Variants in HAO2 observed in about 807,000 individuals in gnomAD.
The protein encoded by HAO2 is 2-Hydroxyacid oxidase 2.
A neutral mutation model predicts 37.4 loss-of-function variants in HAO2; 42 were observed. The observed-to-expected ratio is 1.12, with a 90% CI of 0.88 to 1.45. The LOEUF is 1.45. HAO2 is among the 40% of genes most tolerant of loss of function. The probability of loss-of-function intolerance (pLI) is 0.00; values close to 1 mark genes in which losing one functional copy is unlikely to be tolerated. For synonymous variants in HAO2, 180 were observed against 162.8 expected (o/e 1.11, Z -0.81); for missense variants, 476 against 430.2 (o/e 1.11, Z -0.94).
intron 3 of HAO2, 29 bp downstream of exon 3, chr1:119,383,095 T>G: frequency 1.3e-6 from 2 of 1,572,728 alleles, no homozygotes; most frequent in Non-Finnish European, 1.7e-6. Context: ...TCGAGGCTCC[T>G]TTCCGGGAGG....
At chr1:119,389,571 C>T (rs587657467) in intron 5 of HAO2, among the ~76,000 whole-genome samples, 1 of 149,896 alleles carries the variant, frequency 6.7e-6, no homozygotes, top group African/African-American at 2.4e-5. Flanking sequence ...TGTTTGTTGG[C>T]TATTTGTATA....
intron 1 of HAO2, among the ~76,000 whole-genome samples, chr1:119,370,740 G>A (rs1648922569): frequency 6.6e-6 from 1 of 152,106 alleles, no homozygotes. Flanking sequence ...GGAAAGCAAT[G>A]GCCTTCAGAA....
chr1:119,375,839 C>G (rs587740749), intron 1 of HAO2, among the ~76,000 whole-genome samples: 74 of 152,238 alleles, frequency 4.9e-4, no homozygotes, highest in African/African-American at 1.8e-3. Context: ...GACTTTTTCA[C>G]TATCATGAGA....
intron 4 of HAO2, chr1:119,386,034 C>A: frequency 3.4e-6 from 1 of 296,738 alleles, no homozygotes; most frequent in Non-Finnish European, 5.0e-6. Context: ...AAAGTAGAAA[C>A]TTTGTCTTAT....
At chr1:119,385,616 A>G in intron 4 of HAO2, 1 of 985,198 alleles carries the variant, frequency 1.0e-6, no homozygotes, top group Non-Finnish European at 1.2e-6. Flanking sequence ...TAATCTCTGA[A>G]CTAGGTGACT....
intron 1 of HAO2, 77 bp from the exon 2 acceptor site, chr1:119,381,001 A>C (rs1570768184): frequency 4.9e-6 from 6 of 1,219,716 alleles, no homozygotes; most frequent in Non-Finnish European, 4.8e-6. Flanking sequence ...TTCATACTGC[A>C]GCTTCCCCTT....
At chr1:119,381,297 C>A in intron 2 of HAO2, 81 bp downstream of exon 2, 1 of 1,005,918 alleles carries the variant, frequency 9.9e-7, no homozygotes, top group Non-Finnish European at 1.6e-6. Flanking sequence ...GTCCTGGTTT[C>A]TGCCTCCAAA....
intron 1 of HAO2, chr1:119,380,736 A>G: frequency 6.4e-7 from 1 of 1,568,786 alleles, no homozygotes; most frequent in Admixed American, 1.7e-5. Flanking sequence ...AAGATACAAA[A>G]ATAAGAATTT....
rs752144449 is a variant in HAO2, at chr1:119,381,196, C to A, written c.111C>A (p.Asp37Glu). 6.8e-6 allele frequency: 11 copies of A among 1,611,494 alleles called. No individual in the cohort carries two copies. Among genetic ancestry groups the A allele is most frequent in the Middle Eastern group, 1.7e-4 (1 of 6,052 alleles). ...GGADDSITRDDNIAAFKRIRL... is the reference protein window; with the variant it reads ...GGADDSITRDENIAAFKRIRL... ...CAGATGACAGCATCACGCGGGATGA[C>A]AACATTGCAGCATTTAAAAGGTGTG... The change falls in exon 2 of 8, where the codon GAC becomes GAA. Residue 37 changes from aspartate (D) to glutamate (E), a missense_variant. Transcript: ENST00000325945.
At chr1:119,382,501 G>A (rs922204069) in intron 2 of HAO2, among the ~76,000 whole-genome samples, 1 of 152,102 alleles carries the variant, frequency 6.6e-6, no homozygotes, top group African/African-American at 2.4e-5. Context: ...GGAGACTTGG[G>A]CCTAACCTGA....
At chr1:119,384,211 T>C (rs977927702) in intron 3 of HAO2, among the ~76,000 whole-genome samples, 1 of 152,216 alleles carries the variant, frequency 6.6e-6, no homozygotes, top group African/African-American at 2.4e-5. Flanking sequence ...TAAAGAATGC[T>C]GCCATAGCTA....
chr1:119,391,439 G>C (rs1373625817), intron 5 of HAO2, among the ~76,000 whole-genome samples: 3 of 152,322 alleles, frequency 2.0e-5, no homozygotes, highest in African/African-American at 7.2e-5. Flanking sequence ...GAATTGAAGA[G>C]GCAACATAAG....
At position 119,384,976 on chromosome 1, in the gene HAO2, T is replaced by A. The variant is rs745357150; in HGVS notation, c.484T>A (p.Cys162Ser). ...GGTAATAACTTTGGATACACCTGTA[T>A]GTGGCAACAGGCGACATGACATTCG... ...ALVITLDTPV[C>S]GNRRHDIRNQ... is the part of the protein sequence containing the mutation. The change falls in exon 4 of 8, where the codon TGT (cysteine) becomes AGT (serine). Residue 162 changes from cysteine (C) to serine (S), a missense_variant. Physicochemically the swap from Cys to Ser is moderately radical, Grantham distance 112. Coordinates refer to ENST00000325945, the MANE Select transcript of HAO2 (RefSeq NM_016527.4). 6.2e-7 allele frequency: 1 copy of A among 1,613,510 alleles called. No homozygotes were observed. Among genetic ancestry groups the A allele is most frequent in the Admixed American group, 1.7e-5 (1 of 59,992 alleles).
At chr1:119,380,689 G>C (rs770100570) in intron 1 of HAO2, 1 of 1,600,690 alleles carries the variant, frequency 6.2e-7, no homozygotes, top group Admixed American at 1.7e-5. Context: ...ATCCCAGGAA[G>C]CTGATGGAAG....
chr1:119,373,029 A>G (rs1000172988), intron 1 of HAO2, among the ~76,000 whole-genome samples: 7 of 152,228 alleles, frequency 4.6e-5, no homozygotes. Context: ...ATATTTTCTC[A>G]AATGAGGAAA....
chr1:119,392,491 T>G, intron 6 of HAO2, 127 bp from the exon 7 acceptor site: 2 of 776,258 alleles, frequency 2.6e-6, no homozygotes, highest in Admixed American at 3.9e-5. Flanking sequence ...CCAAGGTAAT[T>G]CTCACTTCAC....
chr1:119,392,997 C>A (rs1651034526), intron 7 of HAO2, among the ~76,000 whole-genome samples: 1 of 152,126 alleles, frequency 6.6e-6, no homozygotes, highest in Non-Finnish European at 1.5e-5. Flanking sequence ...TCCAGTCAAC[C>A]CAGGCATGAA....
At chr1:119,387,544 T>A (rs1650486654) in intron 5 of HAO2, among the ~76,000 whole-genome samples, 1 of 152,204 alleles carries the variant, frequency 6.6e-6, no homozygotes, top group African/African-American at 2.4e-5. Flanking sequence ...AAGATAAAAA[T>A]TAACACTAAT....
Position 119,382,045 on chromosome 1 carries a change from G to T in HAO2, c.131+829G>T, listed in dbSNP as rs587759179. 9.9e-5 allele frequency among the ~76,000 whole-genome samples: 15 copies of T among 152,246 alleles called. No individual in the cohort carries two copies. The South Asian group carries it at 3.1e-3, about 32-fold the overall frequency. On this transcript the variant is annotated intron_variant, in intron 2 of 7. Transcript: ENST00000325945. ...AGCTTGCTGATTCCTGTGATACAGA[G>T]GTCAGGAGAAAACTGAAAAATGGTA...
Sources: allele counts gnomAD v4.1 joint callset (sites outside exome capture counted in the v4.1 genomes callset), GRCh38; gene constraint gnomAD v4.1.1; transcripts MANE v1.5; gene names NCBI Gene and HGNC (gene_info 2026-07-23, HGNC 2026-07-21).